The following ADAMTS12 variants were observed in gnomAD, a reference collection of about 807,000 sequenced individuals.
The protein encoded by ADAMTS12 is ADAM metallopeptidase with thrombospondin type 1 motif 12.
In ADAMTS12, 118 loss-of-function variants were observed where a neutral mutation model predicts 167.8. That is an observed-to-expected ratio of 0.70 (90% CI 0.61 to 0.82). ADAMTS12 has a LOEUF of 0.82. Ranked by LOEUF, ADAMTS12 falls within the 40% of genes least tolerant of loss-of-function variation. The pLI, the probability that ADAMTS12 is intolerant of heterozygous loss-of-function variation, is 0.00. For synonymous variants in ADAMTS12, 704 were observed against 716.9 expected, an observed-to-expected ratio of 0.98 and a Z score of 0.29; for missense variants, 1,916 against 1,998.8, an observed-to-expected ratio of 0.96 and a Z score of 0.79.
chr5:33,604,944 A>T (rs1347343783), intron 16 of ADAMTS12, among the ~76,000 whole-genome samples: 1 of 152,252 alleles, frequency 6.6e-6, no homozygotes, highest in Non-Finnish European at 1.5e-5. Context: ...AGTAATTAGA[A>T]TAGGAATCCA....
chr5:33,628,048 CA>C, intron 13 of ADAMTS12, among the ~76,000 whole-genome samples: 1 of 152,196 alleles, frequency 6.6e-6, no homozygotes, highest in East Asian at 1.9e-4. Context: ...GAACCTTATC[CA>C]GAACTGGTGT....
chr5:33,742,628 T>G (rs1037979222), intron 3 of ADAMTS12, among the ~76,000 whole-genome samples: 1 of 152,232 alleles, frequency 6.6e-6, no homozygotes, highest in Non-Finnish European at 1.5e-5. Flanking sequence ...AACAGACATT[T>G]ATTAAATGAT....
intron 3 of ADAMTS12, among the ~76,000 whole-genome samples, chr5:33,746,793 T>C (rs1013161001): frequency 2.0e-5 from 3 of 152,228 alleles, no homozygotes; most frequent in African/African-American, 7.2e-5. Context: ...GGAAAATTAC[T>C]CTTCATAATG....
chr5:33,559,086 G>A (rs1745616176), intron 20 of ADAMTS12, among the ~76,000 whole-genome samples: 1 of 152,096 alleles, frequency 6.6e-6, no homozygotes, highest in African/African-American at 2.4e-5. Context: ...GAGAACCAGA[G>A]ACAGAAATGC....
At chr5:33,765,975 A>G (rs1428400138) in intron 2 of ADAMTS12, among the ~76,000 whole-genome samples, 1 of 152,162 alleles carries the variant, frequency 6.6e-6, no homozygotes, top group East Asian at 1.9e-4. Flanking sequence ...GGTCGTTACA[A>G]TCAGGTAAAT....
At chr5:33,876,473 T>G (rs1417011727) in intron 2 of ADAMTS12, among the ~76,000 whole-genome samples, 2 of 152,070 alleles carry the variant, frequency 1.3e-5, no homozygotes, top group East Asian at 3.9e-4. Flanking sequence ...CAAAAATACA[T>G]CCAGCTAATT....
chr5:33,715,956 A>G (rs1253232791), intron 3 of ADAMTS12, among the ~76,000 whole-genome samples: 2 of 152,170 alleles, frequency 1.3e-5, no homozygotes, highest in Non-Finnish European at 2.9e-5. Context: ...ATAAGGGCCC[A>G]GGCATTTTAC....
rs141337265 is a variant in ADAMTS12 at position 33,747,041 on chromosome 5, T to C, written c.634+4363A>G. ...CTTAATATATATTTCCTACTGGTTG[T>C]TCTTATCTGATTGAACCCCTGACTG... is the stretch of plus-strand genomic sequence containing the variant. On this transcript the variant is annotated intron_variant, in intron 3 of 23. Coordinates refer to ENST00000504830, the MANE Select transcript of ADAMTS12 (RefSeq NM_030955.4). Among the ~76,000 whole-genome samples, 221 of 152,330 alleles carry C rather than the reference T, an allele frequency of 1.5e-3. 1 individual carries two copies. Among genetic ancestry groups the C allele is most frequent in the African/African-American group, 5.2e-3 (218 of 41,570 alleles).
intron 2 of ADAMTS12, among the ~76,000 whole-genome samples, chr5:33,767,410 CAATT>C (rs1745576829): frequency 6.6e-6 from 1 of 152,046 alleles, no homozygotes; most frequent in Non-Finnish European, 1.5e-5. Context: ...AATTAGATTA[CAATT>C]AATTTTTATT....
chr5:33,658,556 T>C (rs1741143669), intron 6 of ADAMTS12, among the ~76,000 whole-genome samples: 1 of 152,212 alleles, frequency 6.6e-6, no homozygotes, highest in South Asian at 2.1e-4. Context: ...TGTGGGAAAA[T>C]ATAGCAAATG....
At chr5:33,632,997 C>T (rs1356585084) in intron 12 of ADAMTS12, among the ~76,000 whole-genome samples, 5 of 151,858 alleles carry the variant, frequency 3.3e-5, no homozygotes, top group Non-Finnish European at 5.9e-5. Context: ...TGAGGTAAAC[C>T]ATGATGCCAT....
chr5:33,658,923 T>C (rs1052004156), intron 6 of ADAMTS12, among the ~76,000 whole-genome samples: 1 of 152,194 alleles, frequency 6.6e-6, no homozygotes, highest in Non-Finnish European at 1.5e-5. Flanking sequence ...ATACTAATTA[T>C]GGCTTTTAAA....
At chr5:33,532,005 A>C (rs1744126511) in intron 23 of ADAMTS12, among the ~76,000 whole-genome samples, 1 of 152,210 alleles carries the variant, frequency 6.6e-6, no homozygotes, top group Non-Finnish European at 1.5e-5. Context: ...ATTGCTGTGA[A>C]ACAATGAAGG....
chr5:33,644,898 T>C (rs186304143), intron 9 of ADAMTS12, among the ~76,000 whole-genome samples: 2 of 152,242 alleles, frequency 1.3e-5, no homozygotes, highest in Admixed American at 1.3e-4. Context: ...GCCCGGCTAA[T>C]TTTTTGTATC....
At chr5:33,658,154 G>A in intron 7 of ADAMTS12, 30 bp downstream of exon 7, 1 of 1,611,290 alleles carries the variant, frequency 6.2e-7, no homozygotes, top group Non-Finnish European at 8.5e-7. Context: ...TGAATATGGT[G>A]AGCAAACCTC....
intron 1 of ADAMTS12, among the ~76,000 whole-genome samples, chr5:33,888,720 G>A (rs1750734012): frequency 1.3e-5 from 2 of 152,138 alleles, no homozygotes; most frequent in Non-Finnish European, 1.5e-5. Flanking sequence ...AACAGCATAG[G>A]GGTAAACAAA....
intron 2 of ADAMTS12, among the ~76,000 whole-genome samples, chr5:33,858,484 C>G (rs1426865142): frequency 6.6e-6 from 1 of 151,994 alleles, no homozygotes; most frequent in African/African-American, 2.4e-5. Context: ...TAGTGAGACC[C>G]AATCTCTACA....
intron 16 of ADAMTS12, among the ~76,000 whole-genome samples, chr5:33,610,138 G>A (rs1738656251): frequency 6.6e-6 from 1 of 152,168 alleles, no homozygotes; most frequent in East Asian, 1.9e-4. Flanking sequence ...CCGAGATTGA[G>A]CCATTGTGCT....
intron 3 of ADAMTS12, among the ~76,000 whole-genome samples, chr5:33,701,733 T>C (rs1743012029): frequency 6.6e-6 from 1 of 152,084 alleles, no homozygotes; most frequent in Non-Finnish European, 1.5e-5. Context: ...ACTCTCAGAG[T>C]TGGCAATCCA....
Sources: gnomAD v4.1 joint callset for allele counts (sites outside exome capture counted in the v4.1 genomes callset) on GRCh38, gnomAD v4.1.1 for gene constraint, MANE v1.5 for transcripts, NCBI Gene and HGNC (gene_info 2026-07-23, HGNC 2026-07-21) for gene names.